The following SOAT1 variants were observed in gnomAD, a reference collection of about 807,000 sequenced individuals.
SOAT1 encodes the protein acyl-coenzyme A:cholesterol acyltransferase 1.
In SOAT1, 55 loss-of-function variants were observed where a neutral mutation model predicts 69.5. The ratio of observed to expected loss-of-function variants is 0.79; its 90% confidence interval spans 0.64 to 0.99. The LOEUF is 0.99. Among genes scored for constraint, SOAT1 ranks in the 50% least tolerant of loss-of-function variants. SOAT1 has a pLI of 0.00. For synonymous variants in SOAT1, 231 were observed against 224.7 expected (o/e 1.03, Z -0.25); for missense variants, 580 against 669.3 (o/e 0.87, Z 1.47).
At chr1:179,303,783 C>T (rs1571404093) in intron 2 of SOAT1, among the ~76,000 whole-genome samples, 1 of 152,110 alleles carries the variant, frequency 6.6e-6, no homozygotes, top group Non-Finnish European at 1.5e-5. Context: ...GGAGGATGAG[C>T]CAATACTGGG....
chr1:179,342,285 T>C, intron 8 of SOAT1, 93 bp downstream of exon 8: 1 of 690,948 alleles, frequency 1.4e-6, no homozygotes, highest in Non-Finnish European at 2.4e-6. Flanking sequence ...CTTTCCTTCT[T>C]TCCTTCCCTC....
At chr1:179,340,421 G>A (rs1666293416) in intron 6 of SOAT1, among the ~76,000 whole-genome samples, 1 of 152,188 alleles carries the variant, frequency 6.6e-6, no homozygotes, top group South Asian at 2.1e-4. Context: ...GGTTGAGGCT[G>A]CAGTGGAGCT....
intron 2 of SOAT1, among the ~76,000 whole-genome samples, chr1:179,321,678 A>G (rs529755192): frequency 2.6e-5 from 4 of 151,992 alleles, no homozygotes; most frequent in East Asian, 3.9e-4. Context: ...CTCTGTCACT[A>G]TTTCTCTGGG....
chr1:179,294,455 A>G (rs1045882244), intron 1 of SOAT1: 1 of 152,224 alleles, frequency 6.6e-6, no homozygotes, highest in Non-Finnish European at 1.5e-5. Context: ...AATAATATGT[A>G]TATTGAAAGG....
At chr1:179,330,552 C>A (rs936802746) in intron 3 of SOAT1, among the ~76,000 whole-genome samples, 10 of 152,110 alleles carry the variant, frequency 6.6e-5, no homozygotes, top group East Asian at 1.9e-4. Flanking sequence ...CAGTTCCCAA[C>A]AAGGAAGGGG....
rs1170506992 is a variant in SOAT1 at position 179,354,542 on chromosome 1, A to G, written c.*901A>G. 6.6e-6 allele frequency: 1 copy of G among 152,168 alleles called. No homozygotes were observed. The highest frequency in any genetic ancestry group is 1.5e-5 in the Non-Finnish European group (1 of 67,998). 9.4% of individuals were successfully genotyped at this position (152,168 alleles called of 1,614,324 possible). A position where few individuals can be genotyped will look rare whatever the true frequency, so the allele number is the denominator to read the frequency against. ...TTTAGAAATATCCTTTGGAACAATT[A>G]TTTTATTGTCTAATAAATATTGACT... On this transcript the variant is annotated 3_prime_UTR_variant, in exon 16 of 16. Coordinates refer to ENST00000367619, the MANE Select transcript of SOAT1 (RefSeq NM_003101.6).
rs1666869323 is a variant in SOAT1, at chr1:179,355,222, G to A, written c.*1581G>A. 6.6e-6 allele frequency: 1 copy of A among 152,196 alleles called. No individual in the cohort carries two copies. Among genetic ancestry groups the A allele is most frequent in the Admixed American group, 6.5e-5 (1 of 15,278 alleles). 9.4% of individuals were successfully genotyped at this position (152,196 alleles called of 1,614,324 possible). On this transcript the variant is annotated 3_prime_UTR_variant, in exon 16 of 16. Transcript: ENST00000367619. Reference sequence around the variant, plus strand: ...TGTTCTGCACAACAGTATTGTAATTGTAATGGAATCATAACCTGCTAACTA... The same window carrying A: ...TGTTCTGCACAACAGTATTGTAATTATAATGGAATCATAACCTGCTAACTA...
At chr1:179,301,848 T>A (rs1012799977) in intron 1 of SOAT1, among the ~76,000 whole-genome samples, 61 of 152,344 alleles carry the variant, frequency 4.0e-4, no homozygotes, top group African/African-American at 1.4e-3. Context: ...GCACATGGAA[T>A]GCACAGTTCT....
chr1:179,338,940 A>G (rs930345855), intron 5 of SOAT1, among the ~76,000 whole-genome samples: 16 of 152,286 alleles, frequency 1.1e-4, no homozygotes, highest in African/African-American at 3.8e-4. Context: ...TTAGTCAGAT[A>G]TAAAAGATTA....
chr1:179,350,597 A>C (rs768590222), intron 14 of SOAT1, among the ~76,000 whole-genome samples, 166 bp downstream of exon 14: 1 of 152,252 alleles, frequency 6.6e-6, no homozygotes, highest in Non-Finnish European at 1.5e-5. Flanking sequence ...ATAATTATAC[A>C]CAGCTCTGTC....
chr1:179,318,710 A>T (rs1234263733), intron 2 of SOAT1, among the ~76,000 whole-genome samples: 1 of 152,200 alleles, frequency 6.6e-6, no homozygotes, highest in Admixed American at 6.5e-5. Flanking sequence ...AAATAGGATC[A>T]TACGATATGT....
intron 4 of SOAT1, among the ~76,000 whole-genome samples, chr1:179,337,345 G>A (rs1482631309): frequency 1.3e-5 from 2 of 152,202 alleles, no homozygotes; most frequent in Non-Finnish European, 1.5e-5. Flanking sequence ...GTTGCTGGAA[G>A]TCCCTTGATA....
intron 2 of SOAT1, among the ~76,000 whole-genome samples, chr1:179,314,170 C>T (rs531657155): frequency 4.0e-4 from 61 of 152,300 alleles, no homozygotes; most frequent in African/African-American, 1.5e-3. Flanking sequence ...AAGCCTCCTA[C>T]ACCCCTCATT....
At position 179,352,732 on chromosome 1, in the gene SOAT1, T is replaced by G. The variant is rs1666779133; in HGVS notation, c.1597-853T>G. On this transcript the variant is annotated intron_variant, in intron 15 of 15. Coordinates refer to ENST00000367619, the MANE Select transcript of SOAT1 (RefSeq NM_003101.6). The stretch of plus-strand genomic sequence containing the variant: ...TCTCATAGGCATCTGTAACTGAAGA[T>G]GTCCATAATGAAATTAATCAGTTTC... Among the ~76,000 whole-genome samples the G allele has an allele frequency of 2.6e-5, 4 of 151,928 alleles. 1 individual carries two copies. Among genetic ancestry groups the G allele is most frequent in the Admixed American group, 2.6e-4 (4 of 15,220 alleles).
intron 8 of SOAT1, 126 bp from the exon 9 acceptor site, chr1:179,342,735 GA>G: frequency 1.5e-6 from 1 of 651,742 alleles, no homozygotes; most frequent in Admixed American, 2.6e-5. Context: ...CGGAGATCAG[GA>G]AAAAAGAACA....
At chr1:179,341,478 C>G (rs1571448351) in intron 7 of SOAT1, among the ~76,000 whole-genome samples, 168 bp downstream of exon 7, 1 of 151,632 alleles carries the variant, frequency 6.6e-6, no homozygotes, top group East Asian at 1.9e-4. Flanking sequence ...CATCTCACCT[C>G]TTAAGTTTCA....
At chr1:179,332,588 C>T (rs1666006969) in intron 3 of SOAT1, among the ~76,000 whole-genome samples, 1 of 152,138 alleles carries the variant, frequency 6.6e-6, no homozygotes, top group Non-Finnish European at 1.5e-5. Context: ...CTCCATCCAT[C>T]TGTCATGGTG....
chr1:179,311,034 A>T (rs1448015788), intron 2 of SOAT1, among the ~76,000 whole-genome samples: 1 of 152,082 alleles, frequency 6.6e-6, no homozygotes, highest in African/African-American at 2.4e-5. Context: ...AGTGTACAAG[A>T]TGTTCAATTT....
Position 179,339,496 on chromosome 1 carries a change from A to G in SOAT1, c.448A>G (p.Ile150Val), listed in dbSNP as rs1240508587. ...TIYHMFIALL[I>V]LFILSTLVVD... The stretch of plus-strand genomic sequence containing the variant: ...ATATCACATGTTTATTGCCCTCCTC[A>G]TTCTCTTTATCCTCAGCACACTTGT... The change falls in exon 6 of 16, where the codon ATT becomes GTT. Residue 150 changes from isoleucine (I) to valine (V), a missense_variant. By Grantham distance (29) the Ile-to-Val change is conservative. Transcript: ENST00000367619. 1.2e-6 allele frequency: 2 copies of G among 1,613,198 alleles called. No individual in the cohort carries two copies. The highest frequency in any genetic ancestry group is 1.3e-5 in the African/African-American group (1 of 74,976).
Sources: allele counts gnomAD v4.1 joint callset (sites outside exome capture counted in the v4.1 genomes callset), GRCh38; gene constraint gnomAD v4.1.1; transcripts MANE v1.5; gene names NCBI Gene and HGNC (gene_info 2026-07-23, HGNC 2026-07-21).